ST6GALNAC5: variants seen among roughly 807,000 people sequenced by gnomAD.
ST6GALNAC5 encodes the protein alpha-N-acetylgalactosaminide alpha-2,6-sialyltransferase 5.
A neutral mutation model predicts 33.6 loss-of-function variants in ST6GALNAC5; 27 were observed. That is an observed-to-expected ratio of 0.80 (90% CI 0.59 to 1.11). The LOEUF (loss-of-function observed/expected upper bound fraction) is 1.11. ST6GALNAC5 is among the 50% of genes least tolerant of loss of function. ST6GALNAC5 has a pLI of 0.00. For missense variants in ST6GALNAC5, 428 were observed against 454.0 expected (o/e 0.94, Z 0.52); for synonymous variants, 194 against 171.2 (o/e 1.13, Z -1.04).
intron 2 of ST6GALNAC5, among the ~76,000 whole-genome samples, chr1:77,011,282 C>T (rs1283834626): frequency 6.6e-6 from 1 of 152,138 alleles, no homozygotes; most frequent in Non-Finnish European, 1.5e-5. Flanking sequence ...TGCCTTGGTG[C>T]CTCGGGCCTG....
chr1:76,947,729 G>A (rs977884690), intron 2 of ST6GALNAC5, among the ~76,000 whole-genome samples: 1 of 152,118 alleles, frequency 6.6e-6, no homozygotes, highest in Admixed American at 6.6e-5. Flanking sequence ...CTCGGTGACA[G>A]AGCTTGACCT....
At chr1:77,031,525 A>G (rs1487756488) in intron 2 of ST6GALNAC5, among the ~76,000 whole-genome samples, 1 of 152,210 alleles carries the variant, frequency 6.6e-6, no homozygotes, top group African/African-American at 2.4e-5. Context: ...AACCTCCCTT[A>G]TACTTAGATA....
intron 2 of ST6GALNAC5, among the ~76,000 whole-genome samples, chr1:76,903,889 T>A (rs1646840544): frequency 6.6e-6 from 1 of 151,984 alleles, no homozygotes; most frequent in Non-Finnish European, 1.5e-5. Context: ...AGAAAGTAGA[T>A]TAGTGATTGC....
At chr1:77,013,724 C>A (rs1234007025) in intron 2 of ST6GALNAC5, among the ~76,000 whole-genome samples, 1 of 152,156 alleles carries the variant, frequency 6.6e-6, no homozygotes, top group African/African-American at 2.4e-5. Context: ...GACACGGGGG[C>A]TCACCACCTT....
chr1:76,949,689 A>G (rs942665775), intron 2 of ST6GALNAC5, among the ~76,000 whole-genome samples: 1 of 152,148 alleles, frequency 6.6e-6, no homozygotes, highest in African/African-American at 2.4e-5. Flanking sequence ...GAATTGGAGC[A>G]GAGTCACCAG....
intron 2 of ST6GALNAC5, among the ~76,000 whole-genome samples, chr1:76,997,400 G>A (rs1324016920): frequency 1.3e-5 from 2 of 152,096 alleles, no homozygotes; most frequent in Non-Finnish European, 2.9e-5. Context: ...ATGGAGTATG[G>A]CAACAATGAA....
chr1:77,046,612 T>A (rs1047025441), intron 3 of ST6GALNAC5, among the ~76,000 whole-genome samples: 1 of 152,210 alleles, frequency 6.6e-6, no homozygotes, highest in South Asian at 2.1e-4. Context: ...AGTCATGCAT[T>A]GACCTTTGCA....
intron 2 of ST6GALNAC5, among the ~76,000 whole-genome samples, chr1:76,872,110 CA>C (rs1653522075): frequency 2.2e-5 from 3 of 136,532 alleles, no homozygotes; most frequent in South Asian, 4.3e-4. Flanking sequence ...CACACACACA[CA>C]CACACACCAC....
intron 2 of ST6GALNAC5, among the ~76,000 whole-genome samples, chr1:76,954,945 A>G (rs1647895755): frequency 6.6e-6 from 1 of 152,132 alleles, no homozygotes; most frequent in Non-Finnish European, 1.5e-5. Flanking sequence ...TTTAACAAAT[A>G]CTTGATGAGT....
At chr1:76,999,165 A>C (rs55768946) in intron 2 of ST6GALNAC5, among the ~76,000 whole-genome samples, 2 of 152,160 alleles carry the variant, frequency 1.3e-5, no homozygotes, top group African/African-American at 2.4e-5. Context: ...CCAGCTTTGG[A>C]ATAGGGGACA....
intron 2 of ST6GALNAC5, among the ~76,000 whole-genome samples, chr1:77,043,240 A>G (rs912602685): frequency 5.3e-5 from 8 of 152,258 alleles, no homozygotes; most frequent in African/African-American, 1.9e-4. Context: ...CCGTAATTAC[A>G]TTATCTTCAA....
rs141574066 is a variant in ST6GALNAC5, at chr1:77,020,349, G to A, written c.262-23855G>A. ...TCATTGGAGAGCTAGCATTTGGGGCGTAGGGAGAATGAAGCTTATGCCATG... is the reference window on the plus strand; with the variant it reads ...TCATTGGAGAGCTAGCATTTGGGGCATAGGGAGAATGAAGCTTATGCCATG... On this transcript the variant is annotated intron_variant, in intron 2 of 4. Coordinates refer to ENST00000477717, the MANE Select transcript of ST6GALNAC5 (RefSeq NM_030965.3). Among the ~76,000 whole-genome samples, 144 of 152,316 alleles carry A rather than the reference G, an allele frequency of 9.5e-4. 1 individual carries two copies. Among genetic ancestry groups the A allele is most frequent in the African/African-American group, 2.7e-3 (114 of 41,566 alleles).
At chr1:76,882,219 A>G (rs543021281) in intron 2 of ST6GALNAC5, among the ~76,000 whole-genome samples, 6 of 152,302 alleles carry the variant, frequency 3.9e-5, no homozygotes, top group Admixed American at 2.6e-4. Flanking sequence ...GGTACTAATT[A>G]ATTGAAACAA....
At chr1:76,959,299 C>T (rs369363395) in intron 2 of ST6GALNAC5, among the ~76,000 whole-genome samples, 3 of 152,292 alleles carry the variant, frequency 2.0e-5, no homozygotes. Flanking sequence ...GATGTAAATA[C>T]AATTATATAT....
In ST6GALNAC5 at chr1:76,877,884, T is replaced by C. The variant is rs569827810; in HGVS notation, c.261+9142T>C. On this transcript the variant is annotated intron_variant, in intron 2 of 4. Coordinates refer to ENST00000477717, the MANE Select transcript of ST6GALNAC5 (RefSeq NM_030965.3). ...GGCAAATTGCTTCTAGTGGGCCTTATGGACAGGAATGGAGAAAAAGGCATT... is the reference window on the plus strand; with the variant it reads ...GGCAAATTGCTTCTAGTGGGCCTTACGGACAGGAATGGAGAAAAAGGCATT... Among the ~76,000 whole-genome samples, 65 of 152,348 alleles carry C rather than the reference T, an allele frequency of 4.3e-4. No individual in the cohort carries two copies. In the Middle Eastern group the frequency reaches 0.017, roughly 40 times the overall value.
intron 2 of ST6GALNAC5, among the ~76,000 whole-genome samples, chr1:77,041,199 C>T (rs1169042023): frequency 2.0e-5 from 3 of 152,244 alleles, no homozygotes; most frequent in East Asian, 3.8e-4. Context: ...ATTACATAAT[C>T]CTTTCCTGGT....
intron 2 of ST6GALNAC5, among the ~76,000 whole-genome samples, chr1:76,873,233 G>C (rs1211462967): frequency 6.6e-6 from 1 of 152,176 alleles, no homozygotes; most frequent in East Asian, 1.9e-4. Flanking sequence ...TCAGTCATCA[G>C]GTCACATGTC....
At chr1:77,061,752 A>C (rs773982870) in intron 4 of ST6GALNAC5, among the ~76,000 whole-genome samples, 52 of 152,152 alleles carry the variant, frequency 3.4e-4, no homozygotes, top group Non-Finnish European at 6.6e-4. Flanking sequence ...TTAGTGCGTA[A>C]ATATTTATTA....
chr1:76,882,909 G>A (rs1653814740), intron 2 of ST6GALNAC5, among the ~76,000 whole-genome samples: 1 of 151,870 alleles, frequency 6.6e-6, no homozygotes, highest in African/African-American at 2.4e-5. Flanking sequence ...TAGGCACTAC[G>A]CACCCAGGGA....
Sources: allele counts gnomAD v4.1 joint callset (sites outside exome capture counted in the v4.1 genomes callset), GRCh38; gene constraint gnomAD v4.1.1; transcripts MANE v1.5; gene names NCBI Gene and HGNC (gene_info 2026-07-23, HGNC 2026-07-21).